HABP4: variants seen among roughly 807,000 people sequenced by gnomAD.
HABP4 encodes intracellular hyaluronan-binding protein 4.
A neutral mutation model predicts 44.1 loss-of-function variants in HABP4; 32 were observed. That is an observed-to-expected ratio of 0.73 (90% CI 0.55 to 0.97). The LOEUF (loss-of-function observed/expected upper bound fraction) is 0.97. Among genes scored for constraint, HABP4 ranks in the 50% least tolerant of loss-of-function variants. The pLI, the probability that HABP4 is intolerant of heterozygous loss-of-function variation, is 0.00. For synonymous variants in HABP4, 216 were observed against 218.0 expected (o/e 0.99, Z 0.08); for missense variants, 503 against 561.9 (o/e 0.90, Z 1.06).
chr9:96,465,814 A>G, intron 4 of HABP4, 36 bp downstream of exon 4: 2 of 1,092,010 alleles, frequency 1.8e-6, no homozygotes, highest in East Asian at 2.4e-5. Context: ...AGAACCTGCA[A>G]TTAAGTGGAA....
intron 5 of HABP4, 185 bp from the exon 6 acceptor site, chr9:96,484,277 T>A (rs1424500216): frequency 1.9e-6 from 1 of 519,622 alleles, no homozygotes; most frequent in Non-Finnish European, 3.4e-6. Context: ...CTGTTGGCAG[T>A]GATGACATAA....
Position 96,458,424 on chromosome 9 carries a change from A to G in HABP4, c.395A>G (p.Asp132Gly). The G allele has an allele frequency of 6.2e-7, 1 of 1,614,018 alleles. No individual in the cohort carries two copies. Among genetic ancestry groups the G allele is most frequent in the South Asian group, 1.1e-5 (1 of 91,080 alleles). ...AGAGGGGAGCAGCAAGGATGGAATG[A>G]CAGCCGTGGGCCGGAGGGGATGCTC... ...PRRGEQQGWN[D>G]SRGPEGMLER... Residue 132 changes from aspartate (D) to glycine (G), a missense_variant, in exon 2 of 8, where the codon GAC becomes GGC. Asp to Gly is a moderately conservative substitution (Grantham distance 94). This residue lies in a region of HABP4 where 290 missense variants were observed against 300.5 expected (regional missense o/e 0.97). Transcript: ENST00000375249.
Position 96,488,072 on chromosome 9 carries a change from C to T in HABP4, c.1000-17C>T. ...GCTGTGGACTTGTGCGTGTTTGATG[C>T]TGTAATTGTGTTTCAGATGGTAAAA... On this transcript the variant is annotated splice_polypyrimidine_tract_variant and intron_variant, in intron 6 of 7. Transcript: ENST00000375249. The surrounding 1 kb of genome is among the most constrained non-coding windows in gnomAD (Gnocchi z 4.6). 6.3e-7 allele frequency: 1 copy of T among 1,589,640 alleles called. No individual in the cohort carries two copies. Among genetic ancestry groups the T allele is most frequent in the East Asian group, 2.2e-5 (1 of 44,768 alleles).
Position 96,450,402 on chromosome 9 carries a change from C to T in HABP4, c.123C>T (p.Ile41=), listed in dbSNP as rs756879172. The change falls in exon 1 of 8, where the codon ATC becomes ATT. Residue 41 remains isoleucine, a synonymous_variant. Transcript: ENST00000375249. This position sits in a 1 kb window ranked among gnomAD's most constrained non-coding sequence, Gnocchi z 4.8. Reference sequence around the variant, plus strand: ...ACGACGAGTCGGACCCGTTCGACATCCTGCGCGAGGCCGAGCGCCGGCGCC... The same window carrying T: ...ACGACGAGTCGGACCCGTTCGACATTCTGCGCGAGGCCGAGCGCCGGCGCC... ...LLDDESDPFD[I]LREAERRRQQ... The T allele has an allele frequency of 3.9e-5, 54 of 1,397,602 alleles. No homozygotes were observed. Among genetic ancestry groups the T allele is most frequent in the Admixed American group, 7.6e-5 (3 of 39,328 alleles). The allele number at this position is 1,397,602 out of a possible 1,614,324, so 86.6% of individuals were successfully genotyped here. A position where few individuals can be genotyped will look rare whatever the true frequency, so the allele number is the denominator to read the frequency against.
At chr9:96,480,457 A>G (rs1050505775) in intron 5 of HABP4, among the ~76,000 whole-genome samples, 4 of 152,148 alleles carry the variant, frequency 2.6e-5, no homozygotes, top group African/African-American at 4.8e-5. Flanking sequence ...TTTGAGATCT[A>G]TATTTTGATA....
chr9:96,490,154 T>C lies in HABP4; in HGVS notation c.*116T>C, dbSNP rs1564171991. 3 of 717,986 alleles carry C rather than the reference T, an allele frequency of 4.2e-6. No homozygotes were observed. The highest frequency in any genetic ancestry group is 7.5e-6 in the Non-Finnish European group (3 of 399,486). 44.5% of individuals were successfully genotyped at this position (717,986 alleles called of 1,614,324 possible). ...AATAGATGTTGCTTTTCCCGTGTCATGTAAATTTGTTGCACTTTTTTGGGC... is the reference window on the plus strand; with the variant it reads ...AATAGATGTTGCTTTTCCCGTGTCACGTAAATTTGTTGCACTTTTTTGGGC... On this transcript the variant is annotated 3_prime_UTR_variant, in exon 8 of 8. Coordinates refer to ENST00000375249, the MANE Select transcript of HABP4 (RefSeq NM_014282.4).
At chr9:96,466,542 G>C (rs1832604325) in intron 4 of HABP4, among the ~76,000 whole-genome samples, 1 of 151,914 alleles carries the variant, frequency 6.6e-6, no homozygotes, top group South Asian at 2.1e-4. Flanking sequence ...GGCCTAAAAT[G>C]CTTTTTAAAT....
intron 2 of HABP4, among the ~76,000 whole-genome samples, chr9:96,463,501 C>T (rs1289384160): frequency 3.9e-5 from 6 of 151,978 alleles, no homozygotes; most frequent in South Asian, 2.1e-4. Context: ...GTGATCTGCC[C>T]GTCTCGGCTT....
At chr9:96,475,503 A>T (rs764418824) in intron 5 of HABP4, among the ~76,000 whole-genome samples, 2 of 152,096 alleles carry the variant, frequency 1.3e-5, no homozygotes, top group Non-Finnish European at 2.9e-5. Context: ...TTGCCACTCC[A>T]TGAAGGAGGA....
intron 5 of HABP4, among the ~76,000 whole-genome samples, chr9:96,482,082 C>T (rs907066033): frequency 6.6e-6 from 1 of 151,976 alleles, no homozygotes; most frequent in African/African-American, 2.4e-5. Flanking sequence ...ACTACAGGCA[C>T]ATTCCACTAC....
chr9:96,469,289 C>G (rs775809440), intron 4 of HABP4, among the ~76,000 whole-genome samples: 2 of 152,216 alleles, frequency 1.3e-5, no homozygotes, highest in African/African-American at 4.8e-5. Flanking sequence ...TTGTGAAGAG[C>G]AAGACAGTTT....
At chr9:96,470,921 CA>C in intron 4 of HABP4, 89 bp from the exon 5 acceptor site, 8 of 813,526 alleles carry the variant, frequency 9.8e-6, no homozygotes, top group Admixed American at 4.6e-5. Context: ...CCCAAAAAAC[CA>C]AAAAAACAAT....
intron 5 of HABP4, among the ~76,000 whole-genome samples, chr9:96,471,828 T>C (rs961368905): frequency 3.9e-5 from 6 of 152,162 alleles, no homozygotes; most frequent in Admixed American, 1.3e-4. Flanking sequence ...TTCACTCTTA[T>C]TGCCCAGGCT....
At chr9:96,487,874 G>A (rs1157543732) in intron 6 of HABP4, among the ~76,000 whole-genome samples, 3 of 152,206 alleles carry the variant, frequency 2.0e-5, no homozygotes, top group Non-Finnish European at 4.4e-5. Flanking sequence ...TGGGACTCTA[G>A]AACATACAGA....
At chr9:96,473,464 T>C (rs539503830) in intron 5 of HABP4, among the ~76,000 whole-genome samples, 21 of 152,302 alleles carry the variant, frequency 1.4e-4, no homozygotes, top group Non-Finnish European at 2.8e-4. Context: ...TCTAAGCCAT[T>C]GTTATCTGGA....
rs376826761 is a variant in HABP4 at position 96,488,917 on chromosome 9, T to A, written c.1185+643T>A. On this transcript the variant is annotated intron_variant, in intron 7 of 7. Transcript: ENST00000375249. The surrounding 1 kb of genome is among the most constrained non-coding windows in gnomAD (Gnocchi z 4.6). ...CCGTGTGCGGCTGTATTCTCACTGG[T>A]GTGGCTATCGGTCAGCGGCTGCTTT... is the stretch of plus-strand genomic sequence containing the variant. Among the ~76,000 whole-genome samples, 8 of 152,282 alleles carry A rather than the reference T, an allele frequency of 5.3e-5. No individual in the cohort carries two copies. Among genetic ancestry groups the A allele is most frequent in the African/African-American group, 1.7e-4 (7 of 41,568 alleles).
intron 1 of HABP4, chr9:96,451,526 T>G (rs1778968306): frequency 2.1e-6 from 2 of 958,432 alleles, no homozygotes; most frequent in Non-Finnish European, 2.5e-6. Context: ...GGTTGACCAT[T>G]CCTGCCGACG....
chr9:96,471,245 C>T (rs755866498), intron 5 of HABP4, 151 bp downstream of exon 5: 33 of 601,968 alleles, frequency 5.5e-5, no homozygotes, highest in Middle Eastern at 9.3e-4. Context: ...TGGGTTCAAG[C>T]GATTCTCCTG....
At chr9:96,473,499 C>T (rs557533422) in intron 5 of HABP4, among the ~76,000 whole-genome samples, 1 of 152,310 alleles carries the variant, frequency 6.6e-6, no homozygotes, top group African/African-American at 2.4e-5. Flanking sequence ...CCTCACAGGG[C>T]TCCCTGCATC....
Sources: allele counts gnomAD v4.1 joint callset (sites outside exome capture counted in the v4.1 genomes callset), GRCh38; gene constraint gnomAD v4.1.1; regional missense constraint gnomAD v4.1.1; non-coding constraint Gnocchi (gnomAD v3.1); transcripts MANE v1.5; gene names NCBI Gene and HGNC (gene_info 2026-07-23, HGNC 2026-07-21).